EMC1: variants seen among roughly 807,000 people sequenced by gnomAD.
EMC1 encodes the protein KIAA0090.
Under a neutral mutation model 128.8 loss-of-function variants are expected in EMC1, and 103 were observed. The observed-to-expected ratio is 0.80, with a 90% CI of 0.68 to 0.94. EMC1 has a LOEUF of 0.94. EMC1 is among the 40% of genes least tolerant of loss of function. The pLI is 0.00. For synonymous variants in EMC1, 442 were observed against 490.4 expected (o/e 0.90, Z 1.30); for missense variants, 1,083 against 1,250.6 (o/e 0.87, Z 2.02).
chr1:19,219,883 G>A (rs1309908120), intron 21 of EMC1, 185 bp from the exon 22 acceptor site: 3 of 600,550 alleles, frequency 5.0e-6, no homozygotes, highest in Non-Finnish European at 8.8e-6. Context: ...AAGAAAGGAA[G>A]CTCTCTGGAG....
At chr1:19,244,343 C>T (rs775151197) in intron 2 of EMC1, among the ~76,000 whole-genome samples, 2 of 152,122 alleles carry the variant, frequency 1.3e-5, no homozygotes, top group African/African-American at 2.4e-5. Context: ...TAAAAACATC[C>T]GGCCAGTGTA....
intron 8 of EMC1, 40 bp downstream of exon 8, chr1:19,239,778 G>T (rs1437179474): frequency 6.2e-7 from 1 of 1,600,518 alleles, no homozygotes; most frequent in East Asian, 2.2e-5. Context: ...GTCTTGGAGA[G>T]ATCTCCTGAA....
chr1:19,242,597 C>T, intron 4 of EMC1, 124 bp from the exon 5 acceptor site: 1 of 1,024,316 alleles, frequency 9.8e-7, no homozygotes, highest in South Asian at 1.6e-5. Flanking sequence ...TCAAACACAG[C>T]TGGATCCTAA....
chr1:19,223,577 G>A lies in EMC1; in HGVS notation c.2203-8C>T. On this transcript the variant is annotated splice_polypyrimidine_tract_variant and splice_region_variant and intron_variant, in intron 18 of 22. Transcript: ENST00000477853. ...CAGGTTGGGGTTCAGGCTCTGGAGAGAGAGAGAAAACCTCCCTTAGAACCA... is the reference window on the plus strand; with the variant it reads ...CAGGTTGGGGTTCAGGCTCTGGAGAAAGAGAGAAAACCTCCCTTAGAACCA... 1.2e-6 allele frequency: 2 copies of A among 1,613,198 alleles called. No individual in the cohort carries two copies. Among genetic ancestry groups the A allele is most frequent in the Non-Finnish European group, 1.7e-6 (2 of 1,179,844 alleles).
rs1471098874 is a variant in EMC1, at chr1:19,236,613, G to A, written c.1309+529C>T. Among the ~76,000 whole-genome samples, 9 of 145,692 alleles carry A rather than the reference G, an allele frequency of 6.2e-5. No individual in the cohort carries two copies. The East Asian group carries it at 1.0e-3, about 17-fold the overall frequency. ...AGAGGTTGCAGTGAGCTGAGATCAT[G>A]CCACTGTACTCCAGCAGTCTGAGCA... On this transcript the variant is annotated intron_variant, in intron 12 of 22. Transcript: ENST00000477853.
chr1:19,237,922 A>T, intron 11 of EMC1, 95 bp downstream of exon 11: 1 of 1,474,976 alleles, frequency 6.8e-7, no homozygotes, highest in Non-Finnish European at 9.1e-7. Flanking sequence ...TAGAGAGCCT[A>T]ATCCAAGCCC....
At chr1:19,239,135 G>A (rs923891029) in intron 9 of EMC1, 96 bp downstream of exon 9, 15 of 1,200,080 alleles carry the variant, frequency 1.2e-5, no homozygotes, top group Non-Finnish European at 1.7e-5. Context: ...GGTTCAAACT[G>A]ACCAGGTCAA....
intron 9 of EMC1, 138 bp from the exon 10 acceptor site, chr1:19,238,995 T>A (rs2093586930): frequency 1.3e-6 from 1 of 757,510 alleles, no homozygotes; most frequent in Non-Finnish European, 2.3e-6. Context: ...CAAAGCCTAT[T>A]CAACCCTTAA....
chr1:19,242,109 T>A (rs12567768), intron 5 of EMC1, among the ~76,000 whole-genome samples: 42,029 of 151,994 alleles, frequency 0.28, 6,501 homozygotes, highest in East Asian at 0.6. Context: ...GTAGCATGGC[T>A]CGCCCTAGCA....
intron 1 of EMC1, among the ~76,000 whole-genome samples, chr1:19,250,613 T>C (rs1415408647): frequency 6.6e-6 from 1 of 152,132 alleles, no homozygotes; most frequent in Non-Finnish European, 1.5e-5. Flanking sequence ...AAGAATAAAG[T>C]GTAAATAGCA....
chr1:19,242,857 T>C (rs1395432855), intron 4 of EMC1, among the ~76,000 whole-genome samples: 2 of 152,196 alleles, frequency 1.3e-5, no homozygotes, highest in East Asian at 1.9e-4. Context: ...GTCCCATGTG[T>C]TCTCATCGCC....
At chr1:19,248,573 C>T (rs1354769062) in intron 1 of EMC1, among the ~76,000 whole-genome samples, 15 of 152,184 alleles carry the variant, frequency 9.9e-5, no homozygotes, top group Non-Finnish European at 4.4e-5. Flanking sequence ...GCGTGTGCCA[C>T]CACGCCCAGC....
intron 17 of EMC1, among the ~76,000 whole-genome samples, chr1:19,229,635 G>A (rs981155943): frequency 6.6e-6 from 1 of 152,096 alleles, no homozygotes; most frequent in Non-Finnish European, 1.5e-5. Flanking sequence ...CATTCACAAG[G>A]GTAAAGGATG....
At chr1:19,236,522 G>T (rs1161699863) in intron 12 of EMC1, among the ~76,000 whole-genome samples, 1 of 150,442 alleles carries the variant, frequency 6.6e-6, no homozygotes, top group Non-Finnish European at 1.5e-5. Flanking sequence ...CAGGCGTGGT[G>T]GTGCATGCCT....
rs139340398 is a variant in EMC1, at chr1:19,244,960, C to T, written c.166G>A (p.Val56Ile). Residue 56 changes from valine (V) to isoleucine (I), a missense_variant, in exon 2 of 23, where the codon GTA becomes ATA. By Grantham distance (29) the Val-to-Ile change is conservative (BLOSUM62 3). This residue lies in a region of EMC1 where 544 missense variants were observed against 572.4 expected (regional missense o/e 0.95). Coordinates refer to ENST00000477853, the MANE Select transcript of EMC1 (RefSeq NM_015047.3). ...EFSPGSKKLV[V>I]ATEKNVIAAL... ...GCAATCACATTCTTCTCTGTGGCTA[C>T]AACCAACTTCTTGGATCCAGGGGAA... 1 of 1,613,922 alleles carries T rather than the reference C, an allele frequency of 6.2e-7. No homozygotes were observed. Among genetic ancestry groups the T allele is most frequent in the South Asian group, 1.1e-5 (1 of 91,078 alleles).
chr1:19,235,107 G>C, intron 13 of EMC1, 23 bp downstream of exon 13: 1 of 1,611,242 alleles, frequency 6.2e-7, no homozygotes. Context: ...CAACTCTGCA[G>C]CTCCAACCTC....
intron 1 of EMC1, among the ~76,000 whole-genome samples, chr1:19,248,700 G>C (rs565247872): frequency 1.3e-5 from 2 of 151,814 alleles, no homozygotes; most frequent in Non-Finnish European, 2.9e-5. Context: ...TTATAGGCGT[G>C]AGCCACCACG....
intron 6 of EMC1, 169 bp downstream of exon 6, chr1:19,240,847 T>G: frequency 1.4e-6 from 1 of 721,772 alleles, no homozygotes; most frequent in Non-Finnish European, 2.3e-6. Flanking sequence ...CAAATATGAG[T>G]ACTTTAAATA....
chr1:19,239,387 C>T, intron 8 of EMC1, 85 bp from the exon 9 acceptor site: 1 of 1,249,924 alleles, frequency 8.0e-7, no homozygotes, highest in African/African-American at 1.5e-5. Flanking sequence ...CAGGGAAGGC[C>T]CTTGGCCTTA....
Sources: gnomAD v4.1 joint callset for allele counts (sites outside exome capture counted in the v4.1 genomes callset) on GRCh38, gnomAD v4.1.1 for gene constraint, gnomAD v4.1.1 regional missense constraint, MANE v1.5 for transcripts, NCBI Gene and HGNC (gene_info 2026-07-23, HGNC 2026-07-21) for gene names.